Variants in GCM2 observed in about 807,000 individuals in gnomAD.
The protein encoded by GCM2 is GCM transcription factor 2.
A neutral mutation model predicts 24.8 loss-of-function variants in GCM2; 21 were observed. That is an observed-to-expected ratio of 0.85 (90% CI 0.60 to 1.22). GCM2 has a LOEUF of 1.22. GCM2 is among the 50% of genes most tolerant of loss of function. The probability of loss-of-function intolerance (pLI) is 0.00; values close to 1 mark genes in which losing one functional copy is unlikely to be tolerated. For synonymous variants in GCM2, 222 were observed against 238.0 expected (o/e 0.93, Z 0.62); for missense variants, 532 against 645.6 (o/e 0.82, Z 1.91).
At chr6:10,880,875 G>A (rs571142722) in intron 1 of GCM2, among the ~76,000 whole-genome samples, 2 of 152,110 alleles carry the variant, frequency 1.3e-5, no homozygotes, top group Non-Finnish European at 2.9e-5. Context: ...TTTAAATTTA[G>A]GTCATTAGAT....
In GCM2 at chr6:10,875,893, C is replaced by T. The variant is rs760441144; in HGVS notation, c.580G>A (p.Glu194Lys). 21 of 1,613,918 alleles carry T rather than the reference C, an allele frequency of 1.3e-5. No individual in the cohort carries two copies. The highest frequency in any genetic ancestry group is 1.2e-4 in the Admixed American group (7 of 59,994). ...GTGCACTATCAGCTCCCTGTTACCTCGGATTCTCGAATTCTCTTTTTCTGG... is the reference window on the plus strand; with the variant it reads ...GTGCACTATCAGCTCCCTGTTACCTTGGATTCTCGAATTCTCTTTTTCTGG... ...QPQKKRIRES[E>K]AEENQDSSGH... Residue 194 changes from glutamate to lysine, a missense_variant and splice_region_variant, in exon 4 of 5, where the codon GAG (glutamate) becomes AAG (lysine). Around this residue, in one of 3 missense-constraint regions of GCM2, gnomAD observed 434 missense variants for 521.9 expected, o/e 0.83. Transcript: ENST00000379491.
intron 1 of GCM2, among the ~76,000 whole-genome samples, chr6:10,878,037 T>C (rs746537408): frequency 2.6e-5 from 4 of 152,130 alleles, no homozygotes; most frequent in Non-Finnish European, 4.4e-5. Flanking sequence ...TCAACTTGGC[T>C]CTCCAAGTTT....
chr6:10,873,727 C>T lies in GCM2; in HGVS notation c.*268G>A. 1 of 491,508 alleles carries T rather than the reference C, an allele frequency of 2.0e-6. No individual in the cohort carries two copies. Among genetic ancestry groups the T allele is most frequent in the Non-Finnish European group, 3.7e-6 (1 of 269,224 alleles). The allele number at this position is 491,508 out of a possible 1,614,324, so 30.4% of individuals were successfully genotyped here. A position where few individuals can be genotyped will look rare whatever the true frequency, so the allele number is the denominator to read the frequency against. ...ACTTAGGTCAGTATTTAACCTCCTA[C>T]AGTTTGCTTATTTGTTCATTTGAGA... On this transcript the variant is annotated 3_prime_UTR_variant, in exon 5 of 5. Coordinates refer to ENST00000379491, the MANE Select transcript of GCM2 (RefSeq NM_004752.4).
intron 1 of GCM2, 106 bp downstream of exon 1, chr6:10,881,597 TG>T: frequency 3.4e-6 from 2 of 595,676 alleles, no homozygotes; most frequent in African/African-American, 2.0e-5. Context: ...TGTGTGTGTG[TG>T]TGTGTGTGTA....
At position 10,877,359 on chromosome 6, in the gene GCM2, G is replaced by A. The variant is rs746036165; in HGVS notation, c.124C>T (p.Pro42Ser). The A allele has an allele frequency of 3.7e-6, 6 of 1,614,068 alleles. No homozygotes were observed. Among genetic ancestry groups the A allele is most frequent in the East Asian group, 4.5e-5 (2 of 44,890 alleles). ...LALFDQFREW[P>S]DGYVRFIYSS... ...TAGATGAAGCGCACATAGCCGTCAG[G>A]CCACTCTCGGAATTGGTCAAAGAGG... Residue 42 changes from proline (P) to serine (S), a missense_variant, in exon 2 of 5, where the codon CCT becomes TCT. Pro to Ser is a moderately conservative substitution (Grantham distance 74). This residue lies in a region of GCM2 where 96 missense variants were observed against 103.5 expected (regional missense o/e 0.93). Transcript: ENST00000379491.
Position 10,874,436 on chromosome 6 carries a change from A to G in GCM2, c.1080T>C (p.Tyr360=). ...QFQAMATRPY[Y]NPELPCRYLT... ...GGTACCTGCAGGGAAGCTCTGGGTT[A>G]TAATAAGGGCGAGTGGCCATGGCCT... is the stretch of plus-strand genomic sequence containing the variant. The change falls in exon 5 of 5, where the codon TAT becomes TAC. Residue 360 remains tyrosine, a synonymous_variant. Coordinates refer to ENST00000379491, the MANE Select transcript of GCM2 (RefSeq NM_004752.4). The G allele has an allele frequency of 6.2e-7, 1 of 1,614,176 alleles. No homozygotes were observed. The highest frequency in any genetic ancestry group is 8.5e-7 in the Non-Finnish European group (1 of 1,180,038).
intron 1 of GCM2, among the ~76,000 whole-genome samples, chr6:10,877,750 G>A (rs1166453970): frequency 6.6e-6 from 1 of 152,120 alleles, no homozygotes; most frequent in East Asian, 1.9e-4. Context: ...TTTGCACCCT[G>A]GCAGTCCCAT....
Position 10,874,308 on chromosome 6 carries a change from T to C in GCM2, c.1208A>G (p.Asp403Gly). The change falls in exon 5 of 5, where the codon GAC becomes GGC. Residue 403 changes from aspartate to glycine, a missense_variant. Asp to Gly is a moderately conservative substitution (Grantham distance 94, BLOSUM62 -1). This residue lies in a region of GCM2 where 434 missense variants were observed against 521.9 expected (regional missense o/e 0.83). Coordinates refer to ENST00000379491, the MANE Select transcript of GCM2 (RefSeq NM_004752.4). ...AAGGCTCTTCACCTCTCGCACACTG[T>C]CACTGTATTTCATAGCAGGGGGCTG... ...AYQPPAMKYS[D>G]SVREVKSLSS... The C allele has an allele frequency of 3.1e-6, 5 of 1,614,228 alleles. No individual in the cohort carries two copies. The highest frequency in any genetic ancestry group is 4.2e-6 in the Non-Finnish European group (5 of 1,180,046).
At chr6:10,881,257 C>T (rs1779953199) in intron 1 of GCM2, among the ~76,000 whole-genome samples, 1 of 152,164 alleles carries the variant, frequency 6.6e-6, no homozygotes, top group Admixed American at 6.5e-5. Flanking sequence ...CTCTCGGGTT[C>T]AAGCGATTCT....
At position 10,874,319 on chromosome 6, in the gene GCM2, C is replaced by A. The variant is rs1471190383; in HGVS notation, c.1197G>T (p.Met399Ile). ...CCTCTCGCACACTGTCACTGTATTT[C>A]ATAGCAGGGGGCTGGTAGGCCTGGT... is the stretch of plus-strand genomic sequence containing the variant. ...VSYQAYQPPAMKYSDSVREVK... is the reference protein window; with the variant it reads ...VSYQAYQPPAIKYSDSVREVK... The change falls in exon 5 of 5, where the codon ATG becomes ATT. Residue 399 changes from methionine (M) to isoleucine (I), a missense_variant. Transcript: ENST00000379491. The A allele has an allele frequency of 6.2e-7, 1 of 1,613,834 alleles. No homozygotes were observed. Among genetic ancestry groups the A allele is most frequent in the African/African-American group, 1.3e-5 (1 of 74,920 alleles).
At chr6:10,879,165 G>GT (rs1779923197) in intron 1 of GCM2, among the ~76,000 whole-genome samples, 1 of 152,108 alleles carries the variant, frequency 6.6e-6, no homozygotes, top group Admixed American at 6.5e-5. Context: ...TCAATGTAAG[G>GT]TAAGTCACAA....
intron 1 of GCM2, among the ~76,000 whole-genome samples, 153 bp downstream of exon 1, chr6:10,881,551 G>GGTTTGTGTGTGT: frequency 7.8e-6 from 1 of 128,256 alleles, no homozygotes; most frequent in African/African-American, 3.0e-5. Flanking sequence ...AAATTTTGCG[G>GGTTTGTGTGTGT]GTATGTGTGT....
chr6:10,874,286 G>A lies in GCM2; in HGVS notation c.1230C>T (p.Ser410=). The A allele has an allele frequency of 2.5e-6, 4 of 1,614,192 alleles. No individual in the cohort carries two copies. Among genetic ancestry groups the A allele is most frequent in the Non-Finnish European group, 3.4e-6 (4 of 1,180,030 alleles). The change falls in exon 5 of 5, where the codon AGC becomes AGT. Residue 410 remains serine (S), a synonymous_variant. Transcript: ENST00000379491. ...KYSDSVREVK[S]LSSCNYAPED... is the part of the protein sequence containing the mutation. ...CAGGAGCATAGTTACAGCTCGAAAG[G>A]CTCTTCACCTCTCGCACACTGTCAC...
At chr6:10,879,763 T>C (rs3756957) in intron 1 of GCM2, among the ~76,000 whole-genome samples, 1 of 152,008 alleles carries the variant, frequency 6.6e-6, no homozygotes, top group African/African-American at 2.4e-5. Flanking sequence ...AAAAAGTTCA[T>C]ATTGACATGG....
chr6:10,874,229 G>A lies in GCM2; in HGVS notation c.1287C>T (p.Pro429=), dbSNP rs151218849. Residue 429 remains proline (P), a synonymous_variant, in exon 5 of 5, where the codon CCC becomes CCT. Transcript: ENST00000379491. ...TGGTGACTGTCACCGGAGGACCCCA[G>A]GGTTCTGGATAGACAGACATCCCAG... The part of the protein sequence containing the change: ...EDTGMSVYPE[P]WGPPVTVTRA... The A allele has an allele frequency of 5.6e-6, 9 of 1,614,076 alleles. No individual in the cohort carries two copies. In the African/African-American group the frequency reaches 1.2e-4, roughly 22 times the overall value.
Position 10,882,033 on chromosome 6 carries a change from G to C in GCM2, c.-240C>G. On this transcript the variant is annotated 5_prime_UTR_variant, in exon 1 of 5. Transcript: ENST00000379491. ...GGTGCTGAACGTTCTCCACCCGAAC[G>C]GCAGCATCGACCTCTGGCAGCTGCC... is the stretch of plus-strand genomic sequence containing the variant. The C allele has an allele frequency of 5.5e-6, 3 of 544,496 alleles. No homozygotes were observed. The highest frequency in any genetic ancestry group is 3.1e-5 in the Admixed American group (1 of 32,344). 33.7% of individuals were successfully genotyped at this position (544,496 alleles called of 1,614,324 possible).
intron 2 of GCM2, among the ~76,000 whole-genome samples, chr6:10,876,824 G>A (rs1779887641): frequency 6.6e-6 from 1 of 152,200 alleles, no homozygotes; most frequent in Non-Finnish European, 1.5e-5. Context: ...AGCACTTTGG[G>A]AGGCCGAGAC....
At chr6:10,878,843 G>A (rs1779918704) in intron 1 of GCM2, among the ~76,000 whole-genome samples, 1 of 152,204 alleles carries the variant, frequency 6.6e-6, no homozygotes, top group South Asian at 2.1e-4. Flanking sequence ...ATAAACAGAA[G>A]ATGGGTAGCA....
At position 10,873,804 on chromosome 6, in the gene GCM2, T is replaced by G; in HGVS notation, c.*191A>C. The G allele has an allele frequency of 1.6e-6, 1 of 643,720 alleles. No individual in the cohort carries two copies. Among genetic ancestry groups the G allele is most frequent in the South Asian group, 1.8e-5 (1 of 56,304 alleles). The allele number at this position is 643,720 out of a possible 1,614,324, so 39.9% of individuals were successfully genotyped here. ...TGTATTGTAGCCAGTTTCAAAATGC[T>G]GTGTGAAATTTCCCATATTATCTAA... On this transcript the variant is annotated 3_prime_UTR_variant, in exon 5 of 5. Coordinates refer to ENST00000379491, the MANE Select transcript of GCM2 (RefSeq NM_004752.4).
Sources: allele counts gnomAD v4.1 joint callset (sites outside exome capture counted in the v4.1 genomes callset), GRCh38; gene constraint gnomAD v4.1.1; regional missense constraint gnomAD v4.1.1; transcripts MANE v1.5; gene names NCBI Gene and HGNC (gene_info 2026-07-23, HGNC 2026-07-21).